ALDH1A3: variants seen among roughly 807,000 people sequenced by gnomAD.
ALDH1A3 encodes aldehyde dehydrogenase 1 family member A3.
ALDH1A3 carries 28 observed loss-of-function variants against 57.5 expected under a neutral mutation model. That is an observed-to-expected ratio of 0.49 (90% CI 0.36 to 0.67). The LOEUF is 0.67. Among genes scored for constraint, ALDH1A3 ranks in the 30% least tolerant of loss-of-function variants. ALDH1A3 has a pLI of 0.00. For synonymous variants in ALDH1A3, 281 were observed against 264.8 expected (o/e 1.06, Z -0.59); for missense variants, 507 against 669.4 (o/e 0.76, Z 2.68).
chr15:100,884,879 A>G (rs953421380), intron 1 of ALDH1A3, among the ~76,000 whole-genome samples: 2 of 152,172 alleles, frequency 1.3e-5, no homozygotes, highest in African/African-American at 4.8e-5. Context: ...ACTTTTATGT[A>G]TATAAACCTA....
rs1249349298 is a variant in ALDH1A3, at chr15:100,906,587, G to A, written c.1234-534G>A. Reference sequence around the variant, plus strand: ...GCTCCCTTCAAAATCACCTTTAAATGTTCAAGCCTTAGTTCTTCCATTTCC... The same window carrying A: ...GCTCCCTTCAAAATCACCTTTAAATATTCAAGCCTTAGTTCTTCCATTTCC... On this transcript the variant is annotated intron_variant, in intron 10 of 12. Transcript: ENST00000329841. This position sits in a 1 kb window ranked among gnomAD's most constrained non-coding sequence, Gnocchi z 4.8. 3.3e-5 allele frequency among the ~76,000 whole-genome samples: 5 copies of A among 152,232 alleles called. No homozygotes were observed. Among genetic ancestry groups the A allele is most frequent in the Non-Finnish European group, 7.3e-5 (5 of 68,044 alleles).
intron 8 of ALDH1A3, among the ~76,000 whole-genome samples, chr15:100,899,116 C>T (rs971694253): frequency 6.6e-6 from 1 of 152,146 alleles, no homozygotes. Context: ...TGGCAGCTGG[C>T]TTTCACAATG....
rs1334417802 is a variant in ALDH1A3 at position 100,906,948 on chromosome 15, T to A, written c.1234-173T>A. The stretch of plus-strand genomic sequence containing the variant: ...GTTAATCCTTCCCTTCAGTCTCCAA[T>A]GGCAATGCAGCTGAAGCAATGTTTG... On this transcript the variant is annotated intron_variant, in intron 10 of 12. Coordinates refer to ENST00000329841, the MANE Select transcript of ALDH1A3 (RefSeq NM_000693.4). This position sits in a 1 kb window ranked among gnomAD's most constrained non-coding sequence, Gnocchi z 4.8. Among the ~76,000 whole-genome samples the A allele has an allele frequency of 1.3e-5, 2 of 152,364 alleles. No homozygotes were observed. The highest frequency in any genetic ancestry group is 4.1e-4 in the South Asian group (2 of 4,834).
rs776156229 is a variant in ALDH1A3 at position 100,892,972 on chromosome 15, A to G, written c.503A>G (p.His168Arg). 2.5e-6 allele frequency: 4 copies of G among 1,614,132 alleles called. No individual in the cohort carries two copies. The highest frequency in any genetic ancestry group is 1.1e-5 in the South Asian group (1 of 91,076). ...TDDNVVCFTR[H>R]EPIGVCGAIT... Reference sequence around the variant, plus strand: ...GACAACGTCGTGTGCTTCACCAGGCATGAGCCCATTGGTGTCTGTGGGGCC... The same window carrying G: ...GACAACGTCGTGTGCTTCACCAGGCGTGAGCCCATTGGTGTCTGTGGGGCC... The change falls in exon 5 of 13, where the codon CAT becomes CGT. Residue 168 changes from histidine to arginine, a missense_variant. Around this residue, in one of 2 missense-constraint regions of ALDH1A3, gnomAD observed 432 missense variants for 608.4 expected, o/e 0.71. Transcript: ENST00000329841.
At chr15:100,891,239 C>A (rs1038315028) in intron 3 of ALDH1A3, among the ~76,000 whole-genome samples, 1 of 152,194 alleles carries the variant, frequency 6.6e-6, no homozygotes, top group African/African-American at 2.4e-5. Context: ...CGTTATTATT[C>A]TTATTTTACA....
Position 100,907,026 on chromosome 15 carries a change from A to G in ALDH1A3, c.1234-95A>G, listed in dbSNP as rs570261534. The G allele has an allele frequency of 2.9e-6, 4 of 1,397,316 alleles. No homozygotes were observed. In the African/African-American group the frequency reaches 4.3e-5, roughly 15 times the overall value. 86.6% of individuals were successfully genotyped at this position (1,397,316 alleles called of 1,614,324 possible). On this transcript the variant is annotated intron_variant, in intron 10 of 12. Transcript: ENST00000329841. ...TTTCAGGCATGTGTGTGCTCTGGGC[A>G]TATGAAAAACATGTAAAGAGAAGGA...
Position 100,892,685 on chromosome 15 carries a change from A to C in ALDH1A3, c.475+46A>C, listed in dbSNP as rs748432595. The C allele has an allele frequency of 7.0e-6, 11 of 1,566,170 alleles. No homozygotes were observed. In the Admixed American group the frequency reaches 1.2e-4, roughly 18 times the overall value. The stretch of plus-strand genomic sequence containing the variant: ...CTTCATTTGGGATCCCTTTGGGGCT[A>C]TATCTTTTCATTAATCCAGAGCCCC... On this transcript the variant is annotated intron_variant, in intron 4 of 12. Coordinates refer to ENST00000329841, the MANE Select transcript of ALDH1A3 (RefSeq NM_000693.4).
chr15:100,914,629 C>T, intron 12 of ALDH1A3, 72 bp from the exon 13 acceptor site: 1 of 1,438,012 alleles, frequency 7.0e-7, no homozygotes, highest in East Asian at 2.3e-5. Flanking sequence ...AATGATGAAG[C>T]CTCAGAACAG....
At chr15:100,902,137 AC>A (rs1285913698) in intron 9 of ALDH1A3, among the ~76,000 whole-genome samples, 15 of 152,062 alleles carry the variant, frequency 9.9e-5, no homozygotes, top group African/African-American at 3.6e-4. Flanking sequence ...TACAGAAGAA[AC>A]TTTTTTACCC....
intron 8 of ALDH1A3, among the ~76,000 whole-genome samples, chr15:100,899,511 C>T (rs770840148): frequency 6.6e-6 from 1 of 152,176 alleles, no homozygotes; most frequent in Non-Finnish European, 1.5e-5. Flanking sequence ...CAGGGCGGTG[C>T]CAGTCCACAA....
In ALDH1A3 at chr15:100,879,977, A is replaced by G; in HGVS notation, c.70A>G (p.Ile24Val). The G allele has an allele frequency of 2.0e-6, 3 of 1,475,604 alleles. No homozygotes were observed. Among genetic ancestry groups the G allele is most frequent in the Non-Finnish European group, 2.7e-6 (3 of 1,111,596 alleles). 91.4% of individuals were successfully genotyped at this position (1,475,604 alleles called of 1,614,324 possible). Reference protein sequence around the residue: ...DRKPPALPRPIRNLEVKFTKI... With the variant: ...DRKPPALPRPVRNLEVKFTKI... Reference sequence around the variant, plus strand: ...GAAGCCGCCGGCCCTGCCGCGCCCCATCCGCAACCTGGAGGTCAAGTTCAC... The same window carrying G: ...GAAGCCGCCGGCCCTGCCGCGCCCCGTCCGCAACCTGGAGGTCAAGTTCAC... The change falls in exon 1 of 13, where the codon ATC becomes GTC. Residue 24 changes from isoleucine (I) to valine (V), a missense_variant. By Grantham distance (29) the Ile-to-Val change is conservative (BLOSUM62 3). Around this residue, in one of 2 missense-constraint regions of ALDH1A3, gnomAD observed 75 missense variants for 61.0 expected, o/e 1.23. Coordinates refer to ENST00000329841, the MANE Select transcript of ALDH1A3 (RefSeq NM_000693.4).
At position 100,893,940 on chromosome 15, in the gene ALDH1A3, G is replaced by C. The variant is rs1256411724; in HGVS notation, c.538-14G>C. 1.2e-6 allele frequency: 2 copies of C among 1,613,632 alleles called. No individual in the cohort carries two copies. Among genetic ancestry groups the C allele is most frequent in the Non-Finnish European group, 8.5e-7 (1 of 1,179,824 alleles). On this transcript the variant is annotated splice_polypyrimidine_tract_variant and intron_variant, in intron 5 of 12. Transcript: ENST00000329841. The surrounding 1 kb of genome is among the most constrained non-coding windows in gnomAD (Gnocchi z 4.8). ...GTGGATCTGGGCCTCCAAAGCCCCT[G>C]TGCTCTGTCGCAGTGGAACTTCCCC...
chr15:100,895,968 A>G lies in ALDH1A3; in HGVS notation c.702A>G (p.Pro234=). Residue 234 remains proline (P), a synonymous_variant, in exon 7 of 13, where the codon CCA becomes CCG. Transcript: ENST00000329841. ...CTCCAGGAGTGGTGAACATTGTGCC[A>G]GGATTCGGGCCCACAGTGGGAGCAG... ...GFPPGVVNIV[P]GFGPTVGAAI... is the part of the protein sequence containing the mutation. 1 of 1,613,812 alleles carries G rather than the reference A, an allele frequency of 6.2e-7. No individual in the cohort carries two copies. The highest frequency in any genetic ancestry group is 8.5e-7 in the Non-Finnish European group (1 of 1,179,872).
At chr15:100,886,373 G>C (rs781368470) in intron 2 of ALDH1A3, among the ~76,000 whole-genome samples, 23 of 152,354 alleles carry the variant, frequency 1.5e-4, no homozygotes, top group South Asian at 6.2e-4. Flanking sequence ...GTGCTAGGAG[G>C]AGAACGAGAC....
At chr15:100,892,327 C>A in intron 3 of ALDH1A3, 183 bp from the exon 4 acceptor site, 2 of 745,882 alleles carry the variant, frequency 2.7e-6, no homozygotes, top group East Asian at 3.0e-5. Flanking sequence ...GCAATCCTCA[C>A]ACTCAGAGAC....
intron 12 of ALDH1A3, chr15:100,913,076 T>G (rs1596137182): frequency 2.7e-5 from 1 of 37,572 alleles, no homozygotes; most frequent in Non-Finnish European, 5.8e-5. Flanking sequence ...GAGAATGGCG[T>G]GAACCCGGGA....
In ALDH1A3 at chr15:100,889,436, G is replaced by C. The variant is rs2041627435; in HGVS notation, c.345+1724G>C. ...GCCAGTCCACATGTTCCCCGGGTGAGAGTAGCTCCCTCCCAGGGTAAGCGC... is the reference window on the plus strand; with the variant it reads ...GCCAGTCCACATGTTCCCCGGGTGACAGTAGCTCCCTCCCAGGGTAAGCGC... On this transcript the variant is annotated intron_variant, in intron 3 of 12. Transcript: ENST00000329841. This position sits in a 1 kb window ranked among gnomAD's most constrained non-coding sequence, Gnocchi z 5.1. Among the ~76,000 whole-genome samples, 1 of 152,158 alleles carries C rather than the reference G, an allele frequency of 6.6e-6. No individual in the cohort carries two copies. The highest frequency in any genetic ancestry group is 1.5e-5 in the Non-Finnish European group (1 of 68,026).
At chr15:100,898,948 C>T (rs2041739495) in intron 8 of ALDH1A3, among the ~76,000 whole-genome samples, 1 of 152,172 alleles carries the variant, frequency 6.6e-6, no homozygotes, top group South Asian at 2.1e-4. Context: ...TAAAGAATAG[C>T]CTCCCAGACC....
At chr15:100,905,001 C>T (rs925461619) in intron 9 of ALDH1A3, among the ~76,000 whole-genome samples, 5 of 152,166 alleles carry the variant, frequency 3.3e-5, no homozygotes, top group Non-Finnish European at 7.3e-5. Flanking sequence ...ACAGGGTTGC[C>T]AGGTGATACA....
Sources: allele counts gnomAD v4.1 joint callset (sites outside exome capture counted in the v4.1 genomes callset), GRCh38; gene constraint gnomAD v4.1.1; regional missense constraint gnomAD v4.1.1; non-coding constraint Gnocchi (gnomAD v3.1); transcripts MANE v1.5; gene names NCBI Gene and HGNC (gene_info 2026-07-23, HGNC 2026-07-21).